The following PARD3B variants were observed in gnomAD, a reference collection of about 807,000 sequenced individuals.
The protein encoded by PARD3B is partitioning defective 3 homolog B.
PARD3B carries 103 observed loss-of-function variants against 130.2 expected under a neutral mutation model. That is an observed-to-expected ratio of 0.79 (90% CI 0.67 to 0.93). The LOEUF (loss-of-function observed/expected upper bound fraction) is 0.93, where lower values mean the gene tolerates loss of function less well. Among genes scored for constraint, PARD3B ranks in the 40% least tolerant of loss-of-function variants. PARD3B has a pLI of 0.00. For synonymous variants in PARD3B, 583 were observed against 553.2 expected (o/e 1.05, Z -0.76); for missense variants, 1,609 against 1,499.2 (o/e 1.07, Z -1.21).
intron 3 of PARD3B, among the ~76,000 whole-genome samples, chr2:204,996,267 T>C (rs1304650397): frequency 7.3e-5 from 11 of 149,730 alleles, no homozygotes; most frequent in African/African-American, 2.7e-4. Context: ...TCGGTGTGGA[T>C]GTCCTTTCTG....
chr2:204,969,631 G>T lies in PARD3B; in HGVS notation c.394+4308G>T, dbSNP rs749309287. The stretch of plus-strand genomic sequence containing the variant: ...GATGTTGAATAAGGAACTAGAACTG[G>T]AACCCACATTTCTTGGCTTCTAGAA... On this transcript the variant is annotated intron_variant, in intron 3 of 22. Transcript: ENST00000406610. Among the ~76,000 whole-genome samples, 4 of 152,284 alleles carry T rather than the reference G, an allele frequency of 2.6e-5. No homozygotes were observed. The South Asian group carries it at 8.3e-4, about 32-fold the overall frequency.
rs563814118 is a variant in PARD3B at position 204,918,240 on chromosome 2, A to T, written c.223-46912A>T. ...AGCTGTTGGATTTTAAACATTACAA[A>T]CAGGCAACTTGTTTTTTCCACATTA... On this transcript the variant is annotated intron_variant, in intron 2 of 22. Transcript: ENST00000406610. Among the ~76,000 whole-genome samples the T allele has an allele frequency of 4.5e-4, 68 of 152,322 alleles. No homozygotes were observed. In the South Asian group the frequency reaches 0.014, roughly 31 times the overall value.
intron 16 of PARD3B, among the ~76,000 whole-genome samples, chr2:205,282,883 A>G (rs1921777): frequency 0.65 from 98,983 of 152,038 alleles, 34,285 homozygotes; most frequent in Admixed American, 0.76. Flanking sequence ...CCAGGTTCCC[A>G]ATCAGGTCTG....
chr2:204,752,587 A>G (rs529685337), intron 2 of PARD3B, among the ~76,000 whole-genome samples: 2 of 152,326 alleles, frequency 1.3e-5, no homozygotes, highest in South Asian at 4.1e-4. Flanking sequence ...AACGAAATTC[A>G]TTATTCCAAT....
At chr2:204,806,174 A>G (rs2042762199) in intron 2 of PARD3B, among the ~76,000 whole-genome samples, 1 of 152,204 alleles carries the variant, frequency 6.6e-6, no homozygotes, top group South Asian at 2.1e-4. Context: ...ACGACCCAGA[A>G]TAGTCAAAGA....
intron 2 of PARD3B, among the ~76,000 whole-genome samples, chr2:204,829,994 G>A (rs1372034421): frequency 2.2e-4 from 20 of 91,020 alleles, no homozygotes; most frequent in African/African-American, 1.1e-3. Flanking sequence ...GCGAGACTCC[G>A]TCTCAAAAAA....
chr2:205,619,450 C>T lies in PARD3B; in HGVS notation c.*3637C>T, dbSNP rs748549187. On this transcript the variant is annotated 3_prime_UTR_variant, in exon 23 of 23. Transcript: ENST00000406610. ...TCAAATTGGTGTTAAATTGGGAGAA[C>T]ACCCTACTGCTTTCTGAGTCTACGA... The T allele has an allele frequency of 6.6e-6, 1 of 152,118 alleles. No homozygotes were observed. The highest frequency in any genetic ancestry group is 1.5e-5 in the Non-Finnish European group (1 of 68,036). The allele number at this position is 152,118 out of a possible 1,614,324, so 9.4% of individuals were successfully genotyped here.
chr2:204,789,635 T>G (rs900812637), intron 2 of PARD3B, among the ~76,000 whole-genome samples: 4 of 152,166 alleles, frequency 2.6e-5, no homozygotes, highest in Non-Finnish European at 5.9e-5. Flanking sequence ...ATTCTGCAAT[T>G]TTTTTAAGAT....
intron 1 of PARD3B, among the ~76,000 whole-genome samples, chr2:204,674,626 C>T (rs1326203186): frequency 2.0e-5 from 3 of 152,112 alleles, no homozygotes; most frequent in Non-Finnish European, 2.9e-5. Flanking sequence ...ATTTTATAAA[C>T]ACGGCCGCCA....
At chr2:205,110,421 C>T (rs557789382) in intron 5 of PARD3B, among the ~76,000 whole-genome samples, 1 of 152,158 alleles carries the variant, frequency 6.6e-6, no homozygotes, top group Non-Finnish European at 1.5e-5. Flanking sequence ...AGATTGGTAG[C>T]AGCTGGTTTC....
chr2:204,999,048 A>G (rs1694606201), intron 3 of PARD3B, among the ~76,000 whole-genome samples: 1 of 152,064 alleles, frequency 6.6e-6, no homozygotes, highest in Non-Finnish European at 1.5e-5. Flanking sequence ...TCAAACTGGC[A>G]ATAAAGTGTA....
At chr2:204,621,946 C>G (rs114230703) in intron 1 of PARD3B, among the ~76,000 whole-genome samples, 188 of 152,298 alleles carry the variant, frequency 1.2e-3, no homozygotes, top group African/African-American at 4.1e-3. Flanking sequence ...TAGTTCATCT[C>G]TTGCTACTTT....
chr2:205,039,884 TGAGTAAAACTA>T (rs1226638527), intron 3 of PARD3B, among the ~76,000 whole-genome samples: 2 of 152,210 alleles, frequency 1.3e-5, no homozygotes, highest in East Asian at 3.8e-4. Flanking sequence ...AAGTGTCAGG[TGAGTAAAACTA>T]GAGTAGAAAT....
intron 2 of PARD3B, among the ~76,000 whole-genome samples, chr2:204,913,264 G>A (rs1249543931): frequency 6.6e-6 from 1 of 152,126 alleles, no homozygotes. Context: ...TAGATTGTCT[G>A]CATTATAGCT....
chr2:204,660,916 A>G lies in PARD3B; in HGVS notation c.121-25265A>G, dbSNP rs1271370854. On this transcript the variant is annotated intron_variant, in intron 1 of 22. Coordinates refer to ENST00000406610, the MANE Select transcript of PARD3B (RefSeq NM_001302769.2). ...GCTTTGTGAGTTATGCCAAAAATGA[A>G]GCCATTAATTCCCAAGTTGAGTTTA... Among the ~76,000 whole-genome samples the G allele has an allele frequency of 3.3e-5, 5 of 152,270 alleles. No individual in the cohort carries two copies. In the East Asian group the frequency reaches 7.7e-4, roughly 24 times the overall value.
chr2:204,698,497 C>A (rs915640990), intron 2 of PARD3B, among the ~76,000 whole-genome samples: 1 of 151,324 alleles, frequency 6.6e-6, no homozygotes, highest in Non-Finnish European at 1.5e-5. Context: ...CCATTTGGTG[C>A]GAATTATATC....
chr2:205,312,919 A>G (rs964210703), intron 18 of PARD3B, among the ~76,000 whole-genome samples: 5 of 152,148 alleles, frequency 3.3e-5, no homozygotes, highest in African/African-American at 1.2e-4. Flanking sequence ...TAATATACTG[A>G]TATTGACTTG....
chr2:204,686,891 A>G (rs1477092890), intron 2 of PARD3B, among the ~76,000 whole-genome samples: 1 of 152,158 alleles, frequency 6.6e-6, no homozygotes, highest in Non-Finnish European at 1.5e-5. Flanking sequence ...GGAAGGTGTG[A>G]AAGTATACTA....
intron 3 of PARD3B, among the ~76,000 whole-genome samples, chr2:205,022,913 A>G (rs1202986320): frequency 1.3e-5 from 2 of 152,176 alleles, no homozygotes; most frequent in Non-Finnish European, 2.9e-5. Context: ...ACAAAGATAC[A>G]TACTGTGCCA....
Sources: allele counts gnomAD v4.1 joint callset (sites outside exome capture counted in the v4.1 genomes callset), GRCh38; gene constraint gnomAD v4.1.1; transcripts MANE v1.5; gene names NCBI Gene and HGNC (gene_info 2026-07-23, HGNC 2026-07-21).